The following PPM1E variants were observed in gnomAD, a reference collection of about 807,000 sequenced individuals.
The protein encoded by PPM1E is protein phosphatase 1E.
PPM1E carries 20 observed loss-of-function variants against 65.9 expected under a neutral mutation model. That is an observed-to-expected ratio of 0.30 (90% CI 0.21 to 0.44). The LOEUF (loss-of-function observed/expected upper bound fraction) is 0.44. PPM1E is among the 20% of genes least tolerant of loss of function. The pLI, the probability that PPM1E is intolerant of heterozygous loss-of-function variation, is 1.00. For missense variants in PPM1E, 713 were observed against 953.1 expected, an observed-to-expected ratio of 0.75 and a Z score of 3.32; for synonymous variants, 352 against 374.9, an observed-to-expected ratio of 0.94 and a Z score of 0.70.
chr17:58,982,043 T>C lies in PPM1E; in HGVS notation c.*1012T>C, dbSNP rs556638867. 1 of 152,774 alleles carries C rather than the reference T, an allele frequency of 6.5e-6. No individual in the cohort carries two copies. The highest frequency in any genetic ancestry group is 2.1e-4 in the South Asian group (1 of 4,834). The allele number at this position is 152,774 out of a possible 1,614,324, so 9.5% of individuals were successfully genotyped here. On this transcript the variant is annotated 3_prime_UTR_variant, in exon 7 of 7. Transcript: ENST00000308249. The stretch of plus-strand genomic sequence containing the variant: ...CTACTTTTATCTTCTCTAAAATTAT[T>C]TCCCCCAAGGTAGTGAAGTAATTGG...
intron 1 of PPM1E, among the ~76,000 whole-genome samples, chr17:58,779,956 G>A (rs766887250): frequency 1.2e-4 from 19 of 152,194 alleles, no homozygotes; most frequent in Admixed American, 3.9e-4. Flanking sequence ...ATAGTGCTCC[G>A]TTACAGGTGG....
intron 1 of PPM1E, among the ~76,000 whole-genome samples, chr17:58,831,957 T>G (rs2050610285): frequency 6.6e-6 from 1 of 152,220 alleles, no homozygotes; most frequent in Non-Finnish European, 1.5e-5. Flanking sequence ...ATTGTTTCTG[T>G]GATAGGCACT....
At chr17:58,871,069 C>T (rs1385272314) in intron 1 of PPM1E, among the ~76,000 whole-genome samples, 1 of 152,116 alleles carries the variant, frequency 6.6e-6, no homozygotes, top group Non-Finnish European at 1.5e-5. Context: ...TTGTTTTGCT[C>T]TGTCACCCAG....
intron 1 of PPM1E, among the ~76,000 whole-genome samples, chr17:58,951,000 G>A (rs546295658): frequency 2.6e-5 from 4 of 152,004 alleles, no homozygotes; most frequent in Admixed American, 6.6e-5. Flanking sequence ...GGATGGTCTC[G>A]ATCTCCTGAC....
At chr17:58,807,844 A>C (rs987507163) in intron 1 of PPM1E, among the ~76,000 whole-genome samples, 1 of 152,228 alleles carries the variant, frequency 6.6e-6, no homozygotes, top group African/African-American at 2.4e-5. Context: ...CAATGAAATA[A>C]GCATTTACAC....
At chr17:58,770,347 T>TA (rs2049924764) in intron 1 of PPM1E, among the ~76,000 whole-genome samples, 1 of 152,052 alleles carries the variant, frequency 6.6e-6, no homozygotes, top group African/African-American at 2.4e-5. Context: ...TGCAGGTCTG[T>TA]AAAAAATACA....
In PPM1E at chr17:58,770,775, G is replaced by A. The variant is rs2049929706; in HGVS notation, c.464+14314G>A. Among the ~76,000 whole-genome samples, 4 of 151,512 alleles carry A rather than the reference G, an allele frequency of 2.6e-5. 1 individual carries two copies. The South Asian group carries it at 8.3e-4, about 31-fold the overall frequency. On this transcript the variant is annotated intron_variant, in intron 1 of 6. Transcript: ENST00000308249. ...CTGAATTTTTTCTCCCTTCCCCAAA[G>A]ACTATAAAAGATTTTAATTAATTAA...
intron 1 of PPM1E, among the ~76,000 whole-genome samples, chr17:58,865,458 C>CACTTGG (rs2050991234): frequency 6.6e-6 from 1 of 152,164 alleles, no homozygotes; most frequent in South Asian, 2.1e-4. Flanking sequence ...GTAATCCCAG[C>CACTTGG]ACTTGGGGAG....
rs35401844 is a variant in PPM1E, at chr17:58,765,877, CTTTTTTT to C, written c.464+9429_464+9435del. Reference sequence around the variant, plus strand: ...CTGGTCTTTAATATTTTTGTAGTTTCTTTTTTTTTTTTTTTTTTTCCAAGATGGTGTC... The same window carrying C: ...CTGGTCTTTAATATTTTTGTAGTTTCTTTTTTTTTTTTCCAAGATGGTGTC... On this transcript the variant is annotated intron_variant, in intron 1 of 6. Transcript: ENST00000308249. Among the ~76,000 whole-genome samples, 102 of 122,868 alleles carry C rather than the reference CTTTTTTT, an allele frequency of 8.3e-4. 1 individual carries two copies. The Middle Eastern group carries it at 0.013, about 15-fold the overall frequency. 80.6% of individuals were successfully genotyped at this position (122,868 alleles called of 152,430 possible).
intron 1 of PPM1E, among the ~76,000 whole-genome samples, chr17:58,903,229 A>AC (rs2051518322): frequency 6.6e-6 from 1 of 151,920 alleles, no homozygotes. Context: ...TTGATTGTGA[A>AC]CCCCCAGTAA....
At chr17:58,903,648 C>T (rs553749590) in intron 1 of PPM1E, among the ~76,000 whole-genome samples, 6 of 152,154 alleles carry the variant, frequency 3.9e-5, no homozygotes, top group Admixed American at 6.5e-5. Context: ...CAGACATAAA[C>T]GTACCACTTT....
chr17:58,866,206 C>G (rs907781293), intron 1 of PPM1E, among the ~76,000 whole-genome samples: 1 of 152,080 alleles, frequency 6.6e-6, no homozygotes, highest in Admixed American at 6.6e-5. Context: ...CAGGGTGGAG[C>G]CCTTGGATGA....
Position 58,756,066 on chromosome 17 carries a change from C to A in PPM1E, c.69C>A (p.Arg23=). Residue 23 remains arginine, a synonymous_variant, in exon 1 of 7, where the codon CGC becomes CGA. Transcript: ENST00000308249. The part of the protein sequence containing the change: ...RFLELFLGEF[R]GPCGGGEPEP... Reference sequence around the variant, plus strand: ...TGGAGCTATTCCTGGGCGAGTTTCGCGGACCGTGCGGCGGCGGCGAGCCGG... The same window carrying A: ...TGGAGCTATTCCTGGGCGAGTTTCGAGGACCGTGCGGCGGCGGCGAGCCGG... The A allele has an allele frequency of 6.2e-7, 1 of 1,613,578 alleles. No individual in the cohort carries two copies.
chr17:58,855,964 G>C (rs1371253074), intron 1 of PPM1E, among the ~76,000 whole-genome samples: 1 of 152,090 alleles, frequency 6.6e-6, no homozygotes, highest in Non-Finnish European at 1.5e-5. Flanking sequence ...AAGATACATA[G>C]GGAAAATTGT....
At chr17:58,920,930 G>A (rs2051742224) in intron 1 of PPM1E, among the ~76,000 whole-genome samples, 1 of 152,160 alleles carries the variant, frequency 6.6e-6, no homozygotes, top group African/African-American at 2.4e-5. Flanking sequence ...AAGATCAAAA[G>A]AAGCATCTAA....
intron 1 of PPM1E, among the ~76,000 whole-genome samples, chr17:58,774,659 CCTT>C (rs1487193414): frequency 1.3e-5 from 2 of 151,838 alleles, no homozygotes; most frequent in African/African-American, 4.8e-5. Context: ...ATATTTTGCT[CCTT>C]ATTTTTCTGT....
intron 1 of PPM1E, among the ~76,000 whole-genome samples, chr17:58,819,413 T>C (rs942165536): frequency 1.8e-4 from 27 of 152,222 alleles, no homozygotes; most frequent in Admixed American, 3.9e-4. Flanking sequence ...CCTCTCATAA[T>C]GCTGGGATTA....
chr17:58,898,138 G>A (rs1239952074), intron 1 of PPM1E, among the ~76,000 whole-genome samples: 1 of 152,062 alleles, frequency 6.6e-6, no homozygotes, highest in Non-Finnish European at 1.5e-5. Flanking sequence ...TGAAATCCCA[G>A]CTACTCAGGA....
In PPM1E at chr17:58,792,425, A is replaced by G. The variant is rs114945184; in HGVS notation, c.464+35964A>G. Among the ~76,000 whole-genome samples, 1,474 of 151,730 alleles carry G rather than the reference A, an allele frequency of 9.7e-3. 20 individuals are homozygous for G. The highest frequency in any genetic ancestry group is 0.03 in the African/African-American group (1,225 of 41,382). ...GTGTGATCTTGGCTCACTGCAATCAATGCCTCCTGGGGTCAAGCCATCCTC... is the reference window on the plus strand; with the variant it reads ...GTGTGATCTTGGCTCACTGCAATCAGTGCCTCCTGGGGTCAAGCCATCCTC... On this transcript the variant is annotated intron_variant, in intron 1 of 6. Coordinates refer to ENST00000308249, the MANE Select transcript of PPM1E (RefSeq NM_014906.5).
Sources: allele counts gnomAD v4.1 joint callset (sites outside exome capture counted in the v4.1 genomes callset), GRCh38; gene constraint gnomAD v4.1.1; transcripts MANE v1.5; gene names NCBI Gene and HGNC (gene_info 2026-07-23, HGNC 2026-07-21).